Variants in TCF4 observed in about 807,000 individuals in gnomAD.
TCF4 encodes SL3-3 enhancer factor 2.
In TCF4, 3 loss-of-function variants were observed where a neutral mutation model predicts 82.1. That is an observed-to-expected ratio of 0.04 (90% CI 0.02 to 0.09). The LOEUF is 0.09. Ranked by LOEUF, TCF4 falls within the 10% of genes least tolerant of loss-of-function variation. The pLI is 1.00. For missense variants in TCF4, 518 were observed against 852.7 expected (o/e 0.61, Z 4.89); for synonymous variants, 276 against 309.6 (o/e 0.89, Z 1.14).
In TCF4 at chr18:55,491,762, C is replaced by T. The variant is rs568320175; in HGVS notation, c.146-27625G>A. Among the ~76,000 whole-genome samples the T allele has an allele frequency of 1.6e-4, 25 of 152,262 alleles. No homozygotes were observed. In the South Asian group the frequency reaches 5.0e-3, roughly 30 times the overall value. The stretch of plus-strand genomic sequence containing the variant: ...GCATGTGCAATGTGCCTCATGACTC[C>T]TTTGATGAATCTGTTCCTAGGTTCT... On this transcript the variant is annotated intron_variant, in intron 3 of 19. Transcript: ENST00000354452.
intron 8 of TCF4, among the ~76,000 whole-genome samples, chr18:55,348,192 C>T (rs2081591904): frequency 6.6e-6 from 1 of 152,052 alleles, no homozygotes; most frequent in Non-Finnish European, 1.5e-5. Flanking sequence ...CTTACATAAA[C>T]TAAGTTAAAT....
intron 8 of TCF4, among the ~76,000 whole-genome samples, chr18:55,336,593 C>T (rs1034356243): frequency 1.3e-5 from 2 of 152,018 alleles, no homozygotes; most frequent in Non-Finnish European, 2.9e-5. Flanking sequence ...AAAGAAGCTA[C>T]CATTTGAAGG....
At chr18:55,310,822 C>T (rs2147200067) in intron 8 of TCF4, among the ~76,000 whole-genome samples, 1 of 152,226 alleles carries the variant, frequency 6.6e-6, no homozygotes, top group East Asian at 1.9e-4. Flanking sequence ...TTCTTCTTTC[C>T]ACTTTATGTC....
chr18:55,582,490 A>G (rs1483724027), intron 3 of TCF4, among the ~76,000 whole-genome samples: 2 of 152,122 alleles, frequency 1.3e-5, no homozygotes, highest in East Asian at 3.8e-4. Flanking sequence ...CTGGGTTGAC[A>G]AAAGCCTTTC....
intron 3 of TCF4, among the ~76,000 whole-genome samples, chr18:55,561,735 T>C (rs1284822053): frequency 1.3e-5 from 2 of 152,202 alleles, no homozygotes; most frequent in Non-Finnish European, 2.9e-5. Flanking sequence ...ACATGCTCAC[T>C]CCAGTATATT....
chr18:55,348,553 G>C (rs2081658102), intron 8 of TCF4, among the ~76,000 whole-genome samples: 2 of 152,114 alleles, frequency 1.3e-5, no homozygotes, highest in Non-Finnish European at 1.5e-5. Context: ...CGACATAGCA[G>C]CAACACCTAA....
At chr18:55,444,494 A>G (rs2095493046) in intron 5 of TCF4, among the ~76,000 whole-genome samples, 1 of 152,210 alleles carries the variant, frequency 6.6e-6, no homozygotes, top group African/African-American at 2.4e-5. Flanking sequence ...TGCGCTTTTG[A>G]AGGAAGCCAA....
chr18:55,386,331 A>T (rs1188234599), intron 6 of TCF4, among the ~76,000 whole-genome samples: 1 of 152,224 alleles, frequency 6.6e-6, no homozygotes, highest in Admixed American at 6.5e-5. Context: ...CGCCAATATC[A>T]CACAGCCATG....
At position 55,505,394 on chromosome 18, in the gene TCF4, T is replaced by C. The variant is rs557674855; in HGVS notation, c.146-41257A>G. Among the ~76,000 whole-genome samples, 3 of 152,312 alleles carry C rather than the reference T, an allele frequency of 2.0e-5. No homozygotes were observed. The East Asian group carries it at 5.8e-4, about 29-fold the overall frequency. ...ATCATTAATAACATAATAATTATTA[T>C]AGCTAACACTTATGCTGGGTACTCA... On this transcript the variant is annotated intron_variant, in intron 3 of 19. Transcript: ENST00000354452.
chr18:55,425,274 T>A (rs2094930315), intron 5 of TCF4, among the ~76,000 whole-genome samples: 3 of 152,074 alleles, frequency 2.0e-5, no homozygotes, highest in African/African-American at 7.2e-5. Flanking sequence ...AAATGAAAGC[T>A]TTGTCTCTTA....
intron 3 of TCF4, chr18:55,550,313 T>C (rs2097249704): frequency 6.6e-6 from 1 of 152,238 alleles, no homozygotes; most frequent in African/African-American, 2.4e-5. Flanking sequence ...AAACTTATTT[T>C]TCTGGACTCC....
intron 8 of TCF4, among the ~76,000 whole-genome samples, chr18:55,286,731 C>CA (rs1204690089): frequency 1.3e-5 from 2 of 152,196 alleles, no homozygotes; most frequent in African/African-American, 4.8e-5. Flanking sequence ...AAAGCTCATT[C>CA]ACCTCACATA....
chr18:55,228,403 G>A lies in TCF4; in HGVS notation c.1880-42C>T, dbSNP rs756783335. Reference sequence around the variant, plus strand: ...CACAGAACCTTTGTTTAATGCTGAGGCTTCTGGCAGAGGGCAGCAATGCAC... The same window carrying A: ...CACAGAACCTTTGTTTAATGCTGAGACTTCTGGCAGAGGGCAGCAATGCAC... On this transcript the variant is annotated intron_variant, in intron 18 of 19. Transcript: ENST00000354452. 9 of 1,610,114 alleles carry A rather than the reference G, an allele frequency of 5.6e-6. No homozygotes were observed. In the Admixed American group the frequency reaches 1.2e-4, roughly 21 times the overall value.
At chr18:55,467,951 A>C (rs1221804486) in intron 3 of TCF4, among the ~76,000 whole-genome samples, 1 of 152,154 alleles carries the variant, frequency 6.6e-6, no homozygotes, top group Non-Finnish European at 1.5e-5. Context: ...AACTTGCCCA[A>C]GGGATCAGGA....
At chr18:55,324,133 T>C (rs902600542) in intron 8 of TCF4, among the ~76,000 whole-genome samples, 1 of 152,186 alleles carries the variant, frequency 6.6e-6, no homozygotes, top group Non-Finnish European at 1.5e-5. Flanking sequence ...ATTCAGCACA[T>C]AAGACTGAAA....
At chr18:55,242,367 C>T (rs1002672035) in intron 15 of TCF4, among the ~76,000 whole-genome samples, 12 of 150,514 alleles carry the variant, frequency 8.0e-5, no homozygotes, top group African/African-American at 2.9e-4. Context: ...GGTCACTGCA[C>T]GGGAGTGTAA....
intron 5 of TCF4, among the ~76,000 whole-genome samples, chr18:55,432,929 T>C (rs940876140): frequency 1.3e-5 from 2 of 152,206 alleles, no homozygotes; most frequent in Non-Finnish European, 2.9e-5. Context: ...ATGATGACAA[T>C]ATTTTCCCTT....
intron 3 of TCF4, among the ~76,000 whole-genome samples, chr18:55,464,502 A>G (rs1197772938): frequency 6.6e-6 from 1 of 152,248 alleles, no homozygotes; most frequent in Non-Finnish European, 1.5e-5. Context: ...AAAAAGTTAA[A>G]TTAAGGTAAA....
intron 5 of TCF4, among the ~76,000 whole-genome samples, chr18:55,404,945 G>A (rs1364540449): frequency 1.3e-5 from 2 of 152,238 alleles, no homozygotes; most frequent in Non-Finnish European, 2.9e-5. Flanking sequence ...TTCTGGTCTA[G>A]CGCTCAGCGC....
Sources: gnomAD v4.1 joint callset for allele counts (sites outside exome capture counted in the v4.1 genomes callset) on GRCh38, gnomAD v4.1.1 for gene constraint, MANE v1.5 for transcripts, NCBI Gene and HGNC (gene_info 2026-07-23, HGNC 2026-07-21) for gene names.